GRIK4: variants seen among roughly 807,000 people sequenced by gnomAD.
GRIK4 encodes the protein glutamate ionotropic receptor kainate type subunit 4, also known as glutamate receptor ionotropic, kainate 4.
In GRIK4, 40 loss-of-function variants were observed where a neutral mutation model predicts 104.9. The ratio of observed to expected loss-of-function variants is 0.38; its 90% confidence interval spans 0.30 to 0.50. The LOEUF is 0.50. Ranked by LOEUF, GRIK4 falls within the 20% of genes least tolerant of loss-of-function variation. The pLI, the probability that GRIK4 is intolerant of heterozygous loss-of-function variation, is 0.93. For missense variants in GRIK4, 1,047 were observed against 1,308.1 expected (o/e 0.80, Z 3.08); for synonymous variants, 485 against 524.9 (o/e 0.92, Z 1.04).
At chr11:120,670,278 A>G (rs1414724971) in intron 3 of GRIK4, among the ~76,000 whole-genome samples, 1 of 152,014 alleles carries the variant, frequency 6.6e-6, no homozygotes, top group Non-Finnish European at 1.5e-5. Flanking sequence ...CTCACTTTTC[A>G]TTCTCAAAAT....
At chr11:120,568,271 G>A (rs1381320323) in intron 1 of GRIK4, among the ~76,000 whole-genome samples, 1 of 152,194 alleles carries the variant, frequency 6.6e-6, no homozygotes, top group Non-Finnish European at 1.5e-5. Flanking sequence ...CTTATAATAA[G>A]ACAGTTTCTC....
rs894706429 is a variant in GRIK4 at position 120,610,124 on chromosome 11, C to T, written c.-158-43561C>T. Among the ~76,000 whole-genome samples, 5 of 152,096 alleles carry T rather than the reference C, an allele frequency of 3.3e-5. No individual in the cohort carries two copies. The South Asian group carries it at 6.2e-4, about 19-fold the overall frequency. On this transcript the variant is annotated intron_variant, in intron 1 of 20. Transcript: ENST00000527524. ...TTCGCTTTGTTTTTATGGCGATGCT[C>T]GGAGCAGGAGTCTCTCATTCCACAA...
At chr11:120,589,446 T>C (rs1948709024) in intron 1 of GRIK4, among the ~76,000 whole-genome samples, 1 of 152,182 alleles carries the variant, frequency 6.6e-6, no homozygotes, top group Non-Finnish European at 1.5e-5. Flanking sequence ...TGCTTTTGAC[T>C]GAAGATAAAG....
At chr11:120,901,956 C>T (rs1227497990) in intron 12 of GRIK4, among the ~76,000 whole-genome samples, 1 of 152,184 alleles carries the variant, frequency 6.6e-6, no homozygotes, top group African/African-American at 2.4e-5. Flanking sequence ...ACTCAAACAA[C>T]TATTAGCCTT....
At chr11:120,901,564 C>A (rs1016492645) in intron 12 of GRIK4, among the ~76,000 whole-genome samples, 1 of 152,164 alleles carries the variant, frequency 6.6e-6, no homozygotes, top group Non-Finnish European at 1.5e-5. Context: ...AGCTTTACCT[C>A]CCCTTCTAGG....
intron 1 of GRIK4, among the ~76,000 whole-genome samples, chr11:120,631,770 T>C: frequency 6.6e-6 from 1 of 152,168 alleles, no homozygotes; most frequent in East Asian, 1.9e-4. Flanking sequence ...TGAAAACCCT[T>C]TGAGGACAAA....
At chr11:120,943,415 C>A (rs546798376) in intron 14 of GRIK4, among the ~76,000 whole-genome samples, 1 of 152,216 alleles carries the variant, frequency 6.6e-6, no homozygotes, top group South Asian at 2.1e-4. Flanking sequence ...AATTGACTAA[C>A]CCAGGGGAGA....
intron 4 of GRIK4, among the ~76,000 whole-genome samples, chr11:120,804,912 A>G (rs191358092): frequency 6.6e-6 from 1 of 152,204 alleles, no homozygotes. Context: ...GGGCCATACC[A>G]TATAGAACAG....
chr11:120,512,398 C>A (rs1947672809), intron 1 of GRIK4, among the ~76,000 whole-genome samples: 1 of 151,846 alleles, frequency 6.6e-6, no homozygotes, highest in Admixed American at 6.6e-5. Context: ...TGGCATCCCA[C>A]CAAGCCCCCT....
intron 1 of GRIK4, among the ~76,000 whole-genome samples, chr11:120,590,169 AC>A (rs1948717364): frequency 6.6e-6 from 1 of 151,790 alleles, no homozygotes; most frequent in South Asian, 2.1e-4. Context: ...CCTTCACCTT[AC>A]CCCTGACCCT....
At chr11:120,778,169 G>T (rs146735614) in intron 3 of GRIK4, among the ~76,000 whole-genome samples, 5 of 152,106 alleles carry the variant, frequency 3.3e-5, no homozygotes, top group Non-Finnish European at 1.5e-5. Flanking sequence ...TAAGTTCCTC[G>T]AAGGCAGGGA....
chr11:120,647,522 G>A (rs1452837492), intron 1 of GRIK4, among the ~76,000 whole-genome samples: 2 of 152,142 alleles, frequency 1.3e-5, no homozygotes, highest in Non-Finnish European at 2.9e-5. Flanking sequence ...ACCCATCTCT[G>A]AGCCCCTCAG....
At chr11:120,625,147 C>A (rs2135172151) in intron 1 of GRIK4, among the ~76,000 whole-genome samples, 1 of 152,222 alleles carries the variant, frequency 6.6e-6, no homozygotes, top group African/African-American at 2.4e-5. Context: ...TGGTGGCATG[C>A]ACCTGTAGTC....
At chr11:120,865,466 A>G (rs1372483627) in intron 9 of GRIK4, among the ~76,000 whole-genome samples, 1 of 152,260 alleles carries the variant, frequency 6.6e-6, no homozygotes, top group Admixed American at 6.5e-5. Flanking sequence ...TCAGCATGCA[A>G]GGGTTGGCTA....
intron 1 of GRIK4, among the ~76,000 whole-genome samples, chr11:120,598,705 G>A (rs1314529519): frequency 6.6e-6 from 1 of 152,194 alleles, no homozygotes; most frequent in East Asian, 1.9e-4. Context: ...CTTCCAAGAG[G>A]CTCGCCCAGG....
rs1310358603 is a variant in GRIK4, at chr11:120,952,510, G to C, written c.1591-345G>C. Among the ~76,000 whole-genome samples the C allele has an allele frequency of 6.6e-6, 1 of 152,160 alleles. No homozygotes were observed. The highest frequency in any genetic ancestry group is 2.4e-5 in the African/African-American group (1 of 41,442). The stretch of plus-strand genomic sequence containing the variant: ...ATGCAGACAGCAGCAGCTCAAAGGT[G>C]CTTCCTGAGTCCATCCTCCACCCCC... On this transcript the variant is annotated intron_variant, in intron 14 of 20. Coordinates refer to ENST00000527524, the MANE Select transcript of GRIK4 (RefSeq NM_014619.5). The surrounding 1 kb of genome is among the most constrained non-coding windows in gnomAD (Gnocchi z 5.2).
At chr11:120,700,563 A>G (rs910617936) in intron 3 of GRIK4, among the ~76,000 whole-genome samples, 1 of 152,132 alleles carries the variant, frequency 6.6e-6, no homozygotes, top group African/African-American at 2.4e-5. Context: ...AGTTCAAGCA[A>G]TTCTCCTGCC....
At chr11:120,520,608 C>A (rs1324524750) in intron 1 of GRIK4, among the ~76,000 whole-genome samples, 3 of 152,160 alleles carry the variant, frequency 2.0e-5, no homozygotes, top group East Asian at 1.9e-4. Context: ...AGCAGTCCTG[C>A]CCCCACTGGA....
At chr11:120,838,095 A>G (rs1203070430) in intron 8 of GRIK4, among the ~76,000 whole-genome samples, 1 of 152,186 alleles carries the variant, frequency 6.6e-6, no homozygotes, top group Admixed American at 6.5e-5. Flanking sequence ...GGTTTTTAAG[A>G]CAGCATCCTC....
Sources: allele counts gnomAD v4.1 joint callset (sites outside exome capture counted in the v4.1 genomes callset), GRCh38; gene constraint gnomAD v4.1.1; non-coding constraint Gnocchi (gnomAD v3.1); transcripts MANE v1.5; gene names NCBI Gene and HGNC (gene_info 2026-07-23, HGNC 2026-07-21).